Variants in UBE2E2 observed in about 807,000 individuals in gnomAD.
UBE2E2 encodes the protein ubiquitin conjugating enzyme E2 E2.
UBE2E2 carries 6 observed loss-of-function variants against 24.7 expected under a neutral mutation model. The observed-to-expected ratio is 0.24, with a 90% CI of 0.13 to 0.48. UBE2E2 has a LOEUF of 0.48. UBE2E2 is among the 20% of genes least tolerant of loss of function. The pLI is 0.99. For synonymous variants in UBE2E2, 104 were observed against 83.6 expected, an observed-to-expected ratio of 1.24 and a Z score of -1.33; for missense variants, 169 against 245.0, an observed-to-expected ratio of 0.69 and a Z score of 2.07.
intron 3 of UBE2E2, among the ~76,000 whole-genome samples, chr3:23,224,767 C>T (rs1463930242): frequency 6.6e-6 from 1 of 151,866 alleles, no homozygotes; most frequent in African/African-American, 2.4e-5. Context: ...ATATTGTTTC[C>T]ACTTTTTTGC....
chr3:23,205,734 C>G (rs745938727), intron 1 of UBE2E2, among the ~76,000 whole-genome samples: 14 of 152,088 alleles, frequency 9.2e-5, no homozygotes, highest in Non-Finnish European at 2.9e-5. Flanking sequence ...TAATGTGAAA[C>G]CAGAAATTAC....
At chr3:23,300,979 A>G (rs34331898) in intron 3 of UBE2E2, among the ~76,000 whole-genome samples, 6 of 152,220 alleles carry the variant, frequency 3.9e-5, no homozygotes, top group Middle Eastern at 3.4e-3. Context: ...GGCTTTGTTC[A>G]TATCTTTTTA....
At chr3:23,436,117 G>A (rs536842263) in intron 3 of UBE2E2, among the ~76,000 whole-genome samples, 8 of 152,194 alleles carry the variant, frequency 5.3e-5, no homozygotes, top group East Asian at 3.9e-4. Context: ...CCTGCTGTGC[G>A]GCCCAGTTCC....
chr3:23,285,182 C>T (rs1698588536), intron 3 of UBE2E2, among the ~76,000 whole-genome samples: 1 of 152,048 alleles, frequency 6.6e-6, no homozygotes, highest in Non-Finnish European at 1.5e-5. Context: ...CTTTGAGTTC[C>T]ATCCATGTTG....
At chr3:23,354,989 A>T (rs938891791) in intron 3 of UBE2E2, among the ~76,000 whole-genome samples, 39 of 152,156 alleles carry the variant, frequency 2.6e-4, no homozygotes, top group African/African-American at 7.0e-4. Context: ...CAAATGTCCA[A>T]CAACGATAGA....
intron 3 of UBE2E2, among the ~76,000 whole-genome samples, chr3:23,230,837 T>C (rs1050573996): frequency 6.7e-6 from 1 of 148,762 alleles, no homozygotes; most frequent in African/African-American, 2.5e-5. Context: ...CCTGGAGAGG[T>C]GAAGGGTCAT....
At chr3:23,272,185 G>T (rs555153976) in intron 3 of UBE2E2, among the ~76,000 whole-genome samples, 1 of 152,300 alleles carries the variant, frequency 6.6e-6, no homozygotes, top group Admixed American at 6.5e-5. Flanking sequence ...AGGTGGCTGA[G>T]GCCTGGCGAG....
chr3:23,207,892 TTTA>T (rs1406592214), intron 1 of UBE2E2, among the ~76,000 whole-genome samples: 3 of 152,192 alleles, frequency 2.0e-5, no homozygotes, highest in African/African-American at 7.2e-5. Flanking sequence ...TCTTAGAATA[TTTA>T]TTATTAGAAT....
chr3:23,214,567 A>T (rs942129973), intron 2 of UBE2E2, among the ~76,000 whole-genome samples: 24 of 151,210 alleles, frequency 1.6e-4, no homozygotes, highest in African/African-American at 5.8e-4. Context: ...AGGATTTATG[A>T]GTTTTTTTTT....
rs1265271827 is a variant in UBE2E2, at chr3:23,418,241, G to A, written c.228-81367G>A. Among the ~76,000 whole-genome samples, 8 of 152,198 alleles carry A rather than the reference G, an allele frequency of 5.3e-5. No individual in the cohort carries two copies. The East Asian group carries it at 1.2e-3, about 22-fold the overall frequency. ...AGGTTGCAGAGACCGTGGGAAAAGCGTAGTATCAGGGCCAGAGTGCACCGT... is the reference window on the plus strand; with the variant it reads ...AGGTTGCAGAGACCGTGGGAAAAGCATAGTATCAGGGCCAGAGTGCACCGT... On this transcript the variant is annotated intron_variant, in intron 3 of 5. Coordinates refer to ENST00000396703, the MANE Select transcript of UBE2E2 (RefSeq NM_152653.4).
intron 3 of UBE2E2, among the ~76,000 whole-genome samples, chr3:23,468,044 T>C (rs978035446): frequency 2.0e-5 from 3 of 152,240 alleles, no homozygotes; most frequent in African/African-American, 7.2e-5. Context: ...CAATTAAACA[T>C]GACATTTGGG....
intron 3 of UBE2E2, among the ~76,000 whole-genome samples, chr3:23,274,167 A>G (rs1698321291): frequency 6.6e-6 from 1 of 152,218 alleles, no homozygotes; most frequent in African/African-American, 2.4e-5. Flanking sequence ...ATCTTGGATC[A>G]TGTTTAAAAC....
chr3:23,462,495 T>C (rs1389825121), intron 3 of UBE2E2, among the ~76,000 whole-genome samples: 1 of 152,190 alleles, frequency 6.6e-6, no homozygotes, highest in Non-Finnish European at 1.5e-5. Context: ...TTCACATCTT[T>C]GCTATTCACG....
At chr3:23,499,819 T>C in intron 4 of UBE2E2, 79 bp downstream of exon 4, 10 of 1,448,866 alleles carry the variant, frequency 6.9e-6, no homozygotes, top group African/African-American at 1.4e-5. Context: ...AAATATGCAT[T>C]CTAGGGATGC....
chr3:23,276,351 A>C (rs1411948911), intron 3 of UBE2E2, among the ~76,000 whole-genome samples: 1 of 152,186 alleles, frequency 6.6e-6, no homozygotes, highest in Non-Finnish European at 1.5e-5. Context: ...GAATACTAGA[A>C]AACTAAAATT....
intron 3 of UBE2E2, among the ~76,000 whole-genome samples, chr3:23,438,558 A>G (rs866558661): frequency 1.5e-4 from 23 of 152,214 alleles, no homozygotes; most frequent in Non-Finnish European, 1.5e-4. Context: ...TTGAGCTTTT[A>G]TTAGTTGGTC....
chr3:23,363,850 C>T (rs1362873419), intron 3 of UBE2E2, among the ~76,000 whole-genome samples: 1 of 151,886 alleles, frequency 6.6e-6, no homozygotes, highest in Non-Finnish European at 1.5e-5. Context: ...ACATTCTTCT[C>T]ATCTGCACAT....
Position 23,289,594 on chromosome 3 carries a change from T to G in UBE2E2, c.227+72282T>G, listed in dbSNP as rs1207720849. Among the ~76,000 whole-genome samples the G allele has an allele frequency of 2.6e-5, 4 of 152,362 alleles. No homozygotes were observed. In the East Asian group the frequency reaches 7.7e-4, roughly 29 times the overall value. The stretch of plus-strand genomic sequence containing the variant: ...AAGATGTCACTTTAAAATACTGTAC[T>G]GTGTTACCATAAGTAGAGTGCATTT... On this transcript the variant is annotated intron_variant, in intron 3 of 5. Transcript: ENST00000396703.
At chr3:23,520,843 G>A (rs1384291028) in intron 4 of UBE2E2, among the ~76,000 whole-genome samples, 1 of 152,114 alleles carries the variant, frequency 6.6e-6, no homozygotes, top group Non-Finnish European at 1.5e-5. Flanking sequence ...GGGTCTTGCT[G>A]TGTTGCCCAG....
Sources: gnomAD v4.1 joint callset for allele counts (sites outside exome capture counted in the v4.1 genomes callset) on GRCh38, gnomAD v4.1.1 for gene constraint, MANE v1.5 for transcripts, NCBI Gene and HGNC (gene_info 2026-07-23, HGNC 2026-07-21) for gene names.